The following DIP2C variants were observed in gnomAD, a reference collection of about 807,000 sequenced individuals.
The protein encoded by DIP2C is DIP2 acetate--CoA ligase C (putative).
A neutral mutation model predicts 192.4 loss-of-function variants in DIP2C; 33 were observed. The observed-to-expected ratio is 0.17, with a 90% CI of 0.13 to 0.23. The LOEUF (loss-of-function observed/expected upper bound fraction) is 0.23. Among genes scored for constraint, DIP2C ranks in the 10% least tolerant of loss-of-function variants. The pLI is 1.00. For missense variants in DIP2C, 1,537 were observed against 2,110.1 expected, an observed-to-expected ratio of 0.73 and a Z score of 5.32; for synonymous variants, 979 against 864.1, an observed-to-expected ratio of 1.13 and a Z score of -2.33.
At chr10:518,948 C>T (rs1281058779) in intron 1 of DIP2C, among the ~76,000 whole-genome samples, 3 of 152,232 alleles carry the variant, frequency 2.0e-5, no homozygotes, top group Non-Finnish European at 4.4e-5. Context: ...CCATGGTGGC[C>T]GTGTCAAACT....
At chr10:316,791 G>C (rs1295422637) in intron 31 of DIP2C, among the ~76,000 whole-genome samples, 3 of 152,168 alleles carry the variant, frequency 2.0e-5, no homozygotes, top group African/African-American at 7.2e-5. Flanking sequence ...CATCTACCTT[G>C]CAAATAACAT....
Position 610,847 on chromosome 10 carries a change from G to A in DIP2C, c.85+78647C>T, listed in dbSNP as rs944176833. 5.7e-4 allele frequency among the ~76,000 whole-genome samples: 85 copies of A among 148,776 alleles called. 2 individuals are homozygous for A. Among genetic ancestry groups the A allele is most frequent in the Non-Finnish European group, 1.0e-4 (7 of 67,228 alleles). ...TGTTGGAGGTGGGCCCTGGTGGGAG[G>A]TGACTGACTCATGGGGGTGGTTTCT... On this transcript the variant is annotated intron_variant, in intron 1 of 36. Transcript: ENST00000280886.
At chr10:558,775 TATTG>T (rs774155686) in intron 1 of DIP2C, among the ~76,000 whole-genome samples, 6 of 152,170 alleles carry the variant, frequency 3.9e-5, no homozygotes, top group Non-Finnish European at 5.9e-5. Flanking sequence ...TTCTGGTAAA[TATTG>T]ATTATTTTAA....
chr10:351,219 G>T (rs1589574342), intron 24 of DIP2C, among the ~76,000 whole-genome samples: 1 of 152,276 alleles, frequency 6.6e-6, no homozygotes, highest in East Asian at 1.9e-4. Context: ...CTATTCATCG[G>T]CGATGCTGGG....
intron 1 of DIP2C, among the ~76,000 whole-genome samples, chr10:551,360 G>T (rs1217713401): frequency 3.3e-5 from 5 of 152,224 alleles, no homozygotes; most frequent in Admixed American, 3.3e-4. Flanking sequence ...AGGGCTTGGA[G>T]TTCCAAAGGC....
At chr10:378,396 G>A (rs1961894650) in intron 17 of DIP2C, among the ~76,000 whole-genome samples, 1 of 152,150 alleles carries the variant, frequency 6.6e-6, no homozygotes, top group African/African-American at 2.4e-5. Context: ...GGCATACACA[G>A]GTGAAGACAG....
intron 1 of DIP2C, among the ~76,000 whole-genome samples, chr10:595,188 TCAAAA>T (rs1851632623): frequency 6.6e-6 from 1 of 152,166 alleles, no homozygotes; most frequent in African/African-American, 2.4e-5. Context: ...TCTGACAGTC[TCAAAA>T]CAAAGAAAAT....
intron 1 of DIP2C, among the ~76,000 whole-genome samples, chr10:649,301 G>T (rs1393824545): frequency 6.6e-6 from 1 of 151,044 alleles, no homozygotes; most frequent in Non-Finnish European, 1.5e-5. Context: ...GGAGAGAACA[G>T]AGGGAAACTG....
chr10:323,983 G>C (rs962073213), intron 31 of DIP2C, among the ~76,000 whole-genome samples: 1 of 152,068 alleles, frequency 6.6e-6, no homozygotes, highest in Non-Finnish European at 1.5e-5. Flanking sequence ...CCAAAGACCA[G>C]CTCTGCCTGT....
chr10:499,676 T>C (rs898034759), intron 1 of DIP2C, among the ~76,000 whole-genome samples: 9 of 152,292 alleles, frequency 5.9e-5, no homozygotes, highest in Admixed American at 3.9e-4. Flanking sequence ...GAGGACAGCA[T>C]AGGGGAATCC....
rs766723700 is a variant in DIP2C, at chr10:441,009, G to C, written c.269-13C>G. ...TCCGTGTGGACGTCTGAAACGGAGA[G>C]AGCTCAGTCACTCAGTGCTCAGCTG... On this transcript the variant is annotated splice_polypyrimidine_tract_variant and intron_variant, in intron 3 of 36. Coordinates refer to ENST00000280886, the MANE Select transcript of DIP2C (RefSeq NM_014974.3). 5 of 1,609,468 alleles carry C rather than the reference G, an allele frequency of 3.1e-6. No individual in the cohort carries two copies. The highest frequency in any genetic ancestry group is 2.7e-5 in the African/African-American group (2 of 75,056).
intron 26 of DIP2C, among the ~76,000 whole-genome samples, chr10:348,113 G>A (rs1320731055): frequency 6.6e-6 from 1 of 152,226 alleles, no homozygotes; most frequent in African/African-American, 2.4e-5. Context: ...CCAGGACCAT[G>A]CCAAAAGGGA....
Position 474,926 on chromosome 10 carries a change from C to A in DIP2C, c.158-2377G>T, listed in dbSNP as rs911613614. Among the ~76,000 whole-genome samples the A allele has an allele frequency of 5.3e-5, 8 of 152,208 alleles. No individual in the cohort carries two copies. In the East Asian group the frequency reaches 1.4e-3, roughly 26 times the overall value. Reference sequence around the variant, plus strand: ...TGCAAGCCAGGTTGTAATATCCATTCCTTTCTTTTCTCCCTCGATAATCTT... The same window carrying A: ...TGCAAGCCAGGTTGTAATATCCATTACTTTCTTTTCTCCCTCGATAATCTT... On this transcript the variant is annotated intron_variant, in intron 2 of 36. Coordinates refer to ENST00000280886, the MANE Select transcript of DIP2C (RefSeq NM_014974.3).
intron 1 of DIP2C, among the ~76,000 whole-genome samples, chr10:616,688 A>T (rs1051381364): frequency 6.6e-6 from 1 of 152,210 alleles, no homozygotes; most frequent in Non-Finnish European, 1.5e-5. Context: ...ACATTCTACA[A>T]ATGCAAATTC....
At chr10:434,443 T>C (rs1448675278) in intron 4 of DIP2C, among the ~76,000 whole-genome samples, 3 of 152,070 alleles carry the variant, frequency 2.0e-5, no homozygotes, top group African/African-American at 4.8e-5. Flanking sequence ...GCCACCATGT[T>C]TGGCTTTTTT....
chr10:489,002 G>A (rs995379412), intron 1 of DIP2C, among the ~76,000 whole-genome samples: 1 of 152,132 alleles, frequency 6.6e-6, no homozygotes, highest in African/African-American at 2.4e-5. Flanking sequence ...TCATTTACCT[G>A]TTCAGTTACT....
intron 1 of DIP2C, chr10:631,133 CACAAAA>C (rs1012585828): frequency 5.3e-5 from 8 of 152,232 alleles, no homozygotes; most frequent in South Asian, 2.1e-4. Flanking sequence ...TCAAACGATT[CACAAAA>C]ACAAACTTGC....
rs533136772 is a variant in DIP2C at position 281,298 on chromosome 10, T to C, written c.4320A>G (p.Val1440=). ...NGERHDALYV[V]GALDEAMELR... is the part of the protein sequence containing the mutation. ...GCTCCATGGCTTCGTCCAGTGCCCC[T>C]ACCACGTAGAGGGCATCATGGCGCT... Residue 1440 remains valine, a synonymous_variant, in exon 36 of 37, where the codon GTA becomes GTG. Coordinates refer to ENST00000280886, the MANE Select transcript of DIP2C (RefSeq NM_014974.3). 3.1e-5 allele frequency: 50 copies of C among 1,613,932 alleles called. No individual in the cohort carries two copies. The East Asian group carries it at 7.6e-4, about 24-fold the overall frequency.
chr10:457,406 T>C (rs1346432444), intron 3 of DIP2C, among the ~76,000 whole-genome samples: 2 of 152,218 alleles, frequency 1.3e-5, no homozygotes, highest in African/African-American at 4.8e-5. Context: ...TCATCATTTT[T>C]CACCTGAAAT....
Sources: gnomAD v4.1 joint callset for allele counts (sites outside exome capture counted in the v4.1 genomes callset) on GRCh38, gnomAD v4.1.1 for gene constraint, MANE v1.5 for transcripts, NCBI Gene and HGNC (gene_info 2026-07-23, HGNC 2026-07-21) for gene names.